The following TRPM3 variants were observed in gnomAD, a reference collection of about 807,000 sequenced individuals.
TRPM3 encodes long transient receptor potential channel 3.
A neutral mutation model predicts 181.2 loss-of-function variants in TRPM3; 77 were observed. The ratio of observed to expected loss-of-function variants is 0.42; its 90% confidence interval spans 0.35 to 0.51. The LOEUF is 0.51. Among genes scored for constraint, TRPM3 ranks in the 20% least tolerant of loss-of-function variants. The pLI is 0.01. For synonymous variants in TRPM3, 745 were observed against 796.4 expected (o/e 0.94, Z 1.09); for missense variants, 1,759 against 2,196.7 (o/e 0.80, Z 3.98).
chr9:71,065,666 A>C (rs2061828293), intron 1 of TRPM3, among the ~76,000 whole-genome samples: 1 of 152,230 alleles, frequency 6.6e-6, no homozygotes, highest in Non-Finnish European at 1.5e-5. Context: ...AATCACTTCA[A>C]TTGTCCAAAG....
At chr9:71,237,080 A>G (rs2081400222) in intron 1 of TRPM3, among the ~76,000 whole-genome samples, 2 of 136,974 alleles carry the variant, frequency 1.5e-5, no homozygotes, top group South Asian at 2.2e-4. Flanking sequence ...AAAAAAAGAA[A>G]GGAAAGGGAA....
intron 1 of TRPM3, among the ~76,000 whole-genome samples, chr9:71,298,724 C>G (rs1034969503): frequency 2.0e-5 from 3 of 152,090 alleles, no homozygotes; most frequent in African/African-American, 7.2e-5. Flanking sequence ...CCTCCACACT[C>G]TCTCTCAATC....
chr9:70,601,208 A>G (rs1303823814), intron 20 of TRPM3, among the ~76,000 whole-genome samples: 1 of 152,160 alleles, frequency 6.6e-6, no homozygotes, highest in Non-Finnish European at 1.5e-5. Context: ...TCGACCTCAC[A>G]GAGTTGTCGG....
At chr9:70,606,619 C>T (rs1472979646) in intron 19 of TRPM3, among the ~76,000 whole-genome samples, 2 of 142,580 alleles carry the variant, frequency 1.4e-5, no homozygotes, top group African/African-American at 2.6e-5. Flanking sequence ...CTTGACATGA[C>T]ATGCTTTAAT....
chr9:71,119,686 G>A (rs1371166802), intron 1 of TRPM3, among the ~76,000 whole-genome samples: 1 of 152,120 alleles, frequency 6.6e-6, no homozygotes, highest in Admixed American at 6.5e-5. Flanking sequence ...CGAATTACTG[G>A]AGTTGAATTC....
intron 20 of TRPM3, among the ~76,000 whole-genome samples, chr9:70,602,561 T>C (rs1315535599): frequency 2.0e-5 from 3 of 152,216 alleles, no homozygotes; most frequent in Non-Finnish European, 4.4e-5. Flanking sequence ...AAATCAGCAC[T>C]ACCTCCTAAG....
chr9:70,784,051 C>T (rs778658393), intron 7 of TRPM3, 54 bp downstream of exon 7: 4 of 1,567,942 alleles, frequency 2.6e-6, no homozygotes, highest in South Asian at 1.2e-5. Flanking sequence ...CACTCATACC[C>T]TCGTTTCCAA....
At chr9:71,391,317 A>G (rs991163146) in intron 1 of TRPM3, among the ~76,000 whole-genome samples, 2 of 152,038 alleles carry the variant, frequency 1.3e-5, no homozygotes. Context: ...GTTTCAGACC[A>G]GAATTAAAGT....
At chr9:71,408,998 C>G (rs1363968241) in intron 1 of TRPM3, among the ~76,000 whole-genome samples, 3 of 152,102 alleles carry the variant, frequency 2.0e-5, no homozygotes, top group Non-Finnish European at 4.4e-5. Flanking sequence ...CATATCCAGC[C>G]AAACTAAGTA....
intron 1 of TRPM3, among the ~76,000 whole-genome samples, chr9:71,005,365 C>T (rs1435578226): frequency 2.0e-5 from 3 of 151,708 alleles, no homozygotes; most frequent in African/African-American, 7.3e-5. Flanking sequence ...GAGATCGCAC[C>T]ATTGTACTCT....
chr9:70,605,345 C>T (rs1217987150), intron 19 of TRPM3, among the ~76,000 whole-genome samples: 1 of 152,142 alleles, frequency 6.6e-6, no homozygotes, highest in African/African-American at 2.4e-5. Context: ...AAAAGTCCCT[C>T]ATCTCTTAAA....
chr9:70,776,299 A>G, intron 7 of TRPM3: 1 of 576,476 alleles, frequency 1.7e-6, no homozygotes, highest in South Asian at 2.4e-5. Context: ...TGTTCATTCC[A>G]ACTGTAAAGT....
chr9:70,655,511 A>T (rs2060218980), intron 9 of TRPM3, among the ~76,000 whole-genome samples: 1 of 151,954 alleles, frequency 6.6e-6, no homozygotes, highest in South Asian at 2.1e-4. Flanking sequence ...TGGCTCCAAC[A>T]GGTTTTTTGT....
At chr9:71,061,693 TACC>T (rs1248412572) in intron 1 of TRPM3, among the ~76,000 whole-genome samples, 1 of 152,090 alleles carries the variant, frequency 6.6e-6, no homozygotes, top group Non-Finnish European at 1.5e-5. Context: ...TGTGCTGCCA[TACC>T]TCATTGCTGG....
At chr9:71,376,925 A>T (rs150447209) in intron 1 of TRPM3, among the ~76,000 whole-genome samples, 2 of 152,212 alleles carry the variant, frequency 1.3e-5, no homozygotes, top group Admixed American at 6.5e-5. Flanking sequence ...CTTACTGCAC[A>T]TTACATTCTC....
intron 1 of TRPM3, among the ~76,000 whole-genome samples, chr9:70,947,293 T>C (rs2096944004): frequency 6.6e-6 from 1 of 152,196 alleles, no homozygotes; most frequent in Non-Finnish European, 1.5e-5. Context: ...TGAACACCTA[T>C]TTACTGGATA....
intron 1 of TRPM3, among the ~76,000 whole-genome samples, chr9:70,872,053 G>C (rs1444077814): frequency 6.6e-6 from 1 of 151,952 alleles, no homozygotes; most frequent in African/African-American, 2.4e-5. Context: ...GTTCGCATTT[G>C]ACAACCGCAT....
At chr9:71,144,658 T>C (rs949921334) in intron 1 of TRPM3, among the ~76,000 whole-genome samples, 1 of 152,180 alleles carries the variant, frequency 6.6e-6, no homozygotes, top group African/African-American at 2.4e-5. Context: ...ATATAATCCT[T>C]ACTTGACATA....
intron 1 of TRPM3, among the ~76,000 whole-genome samples, chr9:71,304,001 A>G (rs1485754840): frequency 6.6e-6 from 1 of 152,180 alleles, no homozygotes; most frequent in Non-Finnish European, 1.5e-5. Context: ...CATATTGTAC[A>G]CAATAAATAT....
Sources: allele counts gnomAD v4.1 joint callset (sites outside exome capture counted in the v4.1 genomes callset), GRCh38; gene constraint gnomAD v4.1.1; transcripts MANE v1.5; gene names NCBI Gene and HGNC (gene_info 2026-07-23, HGNC 2026-07-21).